Variants in ARB2A observed in about 807,000 individuals in gnomAD.
ARB2A encodes ARB2 cotranscriptional regulator A.
chr5:94,052,425 A>G, the ARB2A span, among the ~76,000 whole-genome samples: 1 of 152,238 alleles, frequency 6.6e-6, no homozygotes, highest in Middle Eastern at 3.2e-3. Context: ...ATAACTCTTA[A>G]TATCTATAAC....
At chr5:94,094,085 T>C in the ARB2A span, among the ~76,000 whole-genome samples, 1 of 152,204 alleles carries the variant, frequency 6.6e-6, no homozygotes, top group African/African-American at 2.4e-5. Context: ...CACATGTACA[T>C]TTTAAGGTAT....
At chr5:93,800,415 A>G in the ARB2A span, among the ~76,000 whole-genome samples, 1 of 150,862 alleles carries the variant, frequency 6.6e-6, no homozygotes, top group Non-Finnish European at 1.5e-5. Flanking sequence ...ACACACACAC[A>G]CACACACACG....
the ARB2A span, among the ~76,000 whole-genome samples, chr5:93,802,476 AT>A: frequency 6.6e-6 from 1 of 152,120 alleles, no homozygotes; most frequent in Non-Finnish European, 1.5e-5. Context: ...CAATTGCTTA[AT>A]TTTATTTACA....
the ARB2A span, among the ~76,000 whole-genome samples, chr5:93,779,117 G>GTT: frequency 6.7e-6 from 1 of 149,132 alleles, no homozygotes; most frequent in Non-Finnish European, 1.5e-5. Context: ...GTGTGTGTGT[G>GTT]TGTGTGTGCG....
chr5:93,674,952 T>A, the ARB2A span, among the ~76,000 whole-genome samples: 1 of 152,208 alleles, frequency 6.6e-6, no homozygotes, highest in African/African-American at 2.4e-5. Flanking sequence ...CAATTTATAA[T>A]TTATAATTTA....
chr5:94,039,378 C>G, the ARB2A span, among the ~76,000 whole-genome samples: 3 of 152,148 alleles, frequency 2.0e-5, no homozygotes, highest in Admixed American at 2.0e-4. Context: ...AGGAAGCTAG[C>G]CAAAACCCAG....
chr5:93,744,434 C>CAAAAAAAAAAAAAAAAAA, the ARB2A span, among the ~76,000 whole-genome samples: 12 of 14,536 alleles, frequency 8.3e-4, 4 homozygotes, highest in African/African-American at 2.1e-3. Flanking sequence ...GACTCAGTCT[C>CAAAAAAAAAAAAAAAAAA]AAAAAAAAAA....
the ARB2A span, among the ~76,000 whole-genome samples, chr5:93,914,698 TA>T: frequency 6.6e-6 from 1 of 151,890 alleles, no homozygotes; most frequent in African/African-American, 2.4e-5. Context: ...CGGAATAAAA[TA>T]AATTTCATAA....
chr5:93,654,896 CACCACTCTG>C, the ARB2A span, among the ~76,000 whole-genome samples: 2 of 152,214 alleles, frequency 1.3e-5, no homozygotes, highest in African/African-American at 2.4e-5. Flanking sequence ...ACAATCCTAT[CACCACTCTG>C]ACTACTACTT....
chr5:94,090,366 A>G, the ARB2A span, among the ~76,000 whole-genome samples: 2 of 152,180 alleles, frequency 1.3e-5, no homozygotes, highest in African/African-American at 4.8e-5. Flanking sequence ...ATTTCTGCAC[A>G]TTGATTTTGT....
the ARB2A span, among the ~76,000 whole-genome samples, chr5:93,976,050 G>A: frequency 2.0e-5 from 3 of 152,188 alleles, no homozygotes; most frequent in African/African-American, 7.2e-5. Flanking sequence ...CCATGATCAA[G>A]TGGGCTTTAT....
the ARB2A span, among the ~76,000 whole-genome samples, chr5:93,799,506 G>A: frequency 3.9e-5 from 6 of 152,032 alleles, no homozygotes; most frequent in Admixed American, 3.3e-4. Flanking sequence ...GTGGTGTGAT[G>A]TTCATGTTAT....
At chr5:93,818,928 C>CT in the ARB2A span, among the ~76,000 whole-genome samples, 24 of 152,152 alleles carry the variant, frequency 1.6e-4, 1 homozygote, top group South Asian at 4.6e-3. Flanking sequence ...TGGCTCACGC[C>CT]TGTAATCCCA....
At chr5:94,001,838 T>C in the ARB2A span, among the ~76,000 whole-genome samples, 25 of 152,192 alleles carry the variant, frequency 1.6e-4, no homozygotes, top group East Asian at 4.8e-3. Context: ...ATCAAATTGT[T>C]TTTAGTGCCT....
chr5:93,713,727 A>C, the ARB2A span, among the ~76,000 whole-genome samples: 2 of 151,460 alleles, frequency 1.3e-5, no homozygotes, highest in Non-Finnish European at 2.9e-5. Flanking sequence ...TATATTGAGG[A>C]GATATCTACA....
the ARB2A span, chr5:93,683,512 G>A: frequency 6.4e-7 from 1 of 1,563,252 alleles, no homozygotes; most frequent in South Asian, 1.1e-5. Flanking sequence ...TAATTGGACT[G>A]CCTTCGTAAT....
the ARB2A span, chr5:93,881,753 G>T: frequency 8.2e-7 from 1 of 1,214,990 alleles, no homozygotes; most frequent in Non-Finnish European, 1.1e-6. Context: ...TTTCAAAAAA[G>T]TTCTTAAAAT....
the ARB2A span, among the ~76,000 whole-genome samples, chr5:93,629,372 CAT>C: frequency 9.9e-5 from 15 of 151,816 alleles, no homozygotes; most frequent in South Asian, 2.9e-3. Context: ...AAAAATGTGA[CAT>C]AGAGACACAA....
chr5:93,994,262 C>A, the ARB2A span, among the ~76,000 whole-genome samples: 1 of 152,162 alleles, frequency 6.6e-6, no homozygotes, highest in Non-Finnish European at 1.5e-5. Flanking sequence ...ATGTAAATAA[C>A]CTAAATGTCC....
Sources: allele counts gnomAD v4.1 joint callset (sites outside exome capture counted in the v4.1 genomes callset), GRCh38; gene constraint gnomAD v4.1.1; transcripts MANE v1.5; gene names NCBI Gene and HGNC (gene_info 2026-07-23, HGNC 2026-07-21).